STIM1: variants seen among roughly 807,000 people sequenced by gnomAD.
STIM1 encodes the protein stromal interaction molecule 1.
STIM1 carries 25 observed loss-of-function variants against 74.7 expected under a neutral mutation model. The ratio of observed to expected loss-of-function variants is 0.33; its 90% CI spans 0.24 to 0.47. STIM1 has a LOEUF of 0.47. Among genes scored for constraint, STIM1 ranks in the 20% least tolerant of loss-of-function variants. The pLI is 1.00. For synonymous variants in STIM1, 328 were observed against 348.8 expected (o/e 0.94, Z 0.66); for missense variants, 728 against 920.8 (o/e 0.79, Z 2.71).
chr11:4,006,844 A>G lies in STIM1; in HGVS notation c.271-17029A>G, dbSNP rs117797998. 4.6e-3 allele frequency among the ~76,000 whole-genome samples: 695 copies of G among 152,186 alleles called. 5 individuals are homozygous for G. Among genetic ancestry groups the G allele is most frequent in the Non-Finnish European group, 5.7e-3 (386 of 67,994 alleles). On this transcript the variant is annotated intron_variant, in intron 2 of 12. Coordinates refer to ENST00000526596, the MANE Select transcript of STIM1 (RefSeq NM_001382567.1). ...GGACAATTTGGTTTGGGAAATATGG[A>G]AGGTAAGTAGTAGGGAACAAGGTTG...
chr11:3,911,148 A>G (rs192940670), intron 1 of STIM1, among the ~76,000 whole-genome samples: 143 of 152,318 alleles, frequency 9.4e-4, no homozygotes, highest in South Asian at 2.1e-3. Context: ...AGCAGCAAGG[A>G]TGAGACTCCA....
chr11:3,913,551 T>G (rs1238251034), intron 1 of STIM1, among the ~76,000 whole-genome samples: 2 of 152,210 alleles, frequency 1.3e-5, no homozygotes, highest in Admixed American at 6.5e-5. Flanking sequence ...GGTTCCTGAC[T>G]GTTTCTTGCC....
intron 2 of STIM1, among the ~76,000 whole-genome samples, chr11:3,967,937 T>C (rs1012376607): frequency 1.3e-5 from 2 of 152,190 alleles, no homozygotes; most frequent in African/African-American, 4.8e-5. Flanking sequence ...TAACACTGAC[T>C]AAGCTGTGTT....
chr11:3,903,781 T>C (rs11030213), intron 1 of STIM1, among the ~76,000 whole-genome samples: 52,800 of 151,992 alleles, frequency 0.35, 9,389 homozygotes, highest in South Asian at 0.48. Context: ...GGCAAGTGGG[T>C]TGGGGTGCAG....
intron 2 of STIM1, chr11:3,973,487 C>T (rs563053787): frequency 4.3e-6 from 1 of 233,956 alleles, no homozygotes; most frequent in South Asian, 6.2e-5. Context: ...GCAGCTTGGA[C>T]CTCCGGGGCT....
chr11:4,001,162 G>T (rs1170250996), intron 2 of STIM1, among the ~76,000 whole-genome samples: 2 of 152,108 alleles, frequency 1.3e-5, no homozygotes, highest in Non-Finnish European at 2.9e-5. Context: ...AAAACACTCT[G>T]CAGGATATTA....
intron 1 of STIM1, among the ~76,000 whole-genome samples, chr11:3,877,321 C>A (rs1565098447): frequency 6.6e-6 from 1 of 152,016 alleles, no homozygotes; most frequent in South Asian, 2.1e-4. Flanking sequence ...ATTGGTATGC[C>A]TTGCTTCTCT....
intron 1 of STIM1, among the ~76,000 whole-genome samples, chr11:3,941,259 G>A (rs1292542155): frequency 1.3e-5 from 2 of 152,112 alleles, no homozygotes; most frequent in Admixed American, 1.3e-4. Flanking sequence ...TCTACAGTTC[G>A]AAGACTTCTG....
intron 5 of STIM1, among the ~76,000 whole-genome samples, chr11:4,060,075 C>A (rs2094320165): frequency 6.6e-6 from 1 of 152,134 alleles, no homozygotes. Context: ...TGGGTTTTCA[C>A]TGAAGCAGTA....
intron 1 of STIM1, among the ~76,000 whole-genome samples, chr11:3,906,449 G>A (rs897193307): frequency 6.6e-6 from 1 of 152,122 alleles, no homozygotes; most frequent in Admixed American, 6.6e-5. Context: ...AGTTTATTAT[G>A]GAGCTAGTTA....
At chr11:3,920,220 T>C (rs1424053744) in intron 1 of STIM1, among the ~76,000 whole-genome samples, 1 of 152,012 alleles carries the variant, frequency 6.6e-6, no homozygotes, top group Non-Finnish European at 1.5e-5. Context: ...CTCAGCCTCC[T>C]AAAGTGCTGT....
intron 1 of STIM1, among the ~76,000 whole-genome samples, chr11:3,865,280 A>G (rs2090810280): frequency 6.6e-6 from 1 of 152,192 alleles, no homozygotes; most frequent in Non-Finnish European, 1.5e-5. Context: ...AACTTACCCA[A>G]GGTTTTGGTA....
intron 2 of STIM1, among the ~76,000 whole-genome samples, chr11:3,982,844 G>A (rs780078781): frequency 2.0e-5 from 3 of 152,060 alleles, no homozygotes; most frequent in Admixed American, 2.0e-4. Context: ...GTCACCTTTC[G>A]CTTGCCTTTC....
chr11:3,897,662 C>T (rs1017516445), intron 1 of STIM1, among the ~76,000 whole-genome samples: 10 of 152,098 alleles, frequency 6.6e-5, no homozygotes, highest in East Asian at 1.9e-4. Context: ...TCCCTCCCCC[C>T]GCCACGCCCA....
At chr11:3,966,486 C>G (rs2093342075) in intron 1 of STIM1, among the ~76,000 whole-genome samples, 1 of 152,156 alleles carries the variant, frequency 6.6e-6, no homozygotes. Context: ...ACCACAGCCT[C>G]TTCACCCTGT....
At chr11:3,888,933 T>TA (rs1255908444) in intron 1 of STIM1, among the ~76,000 whole-genome samples, 1 of 151,914 alleles carries the variant, frequency 6.6e-6, no homozygotes, top group African/African-American at 2.4e-5. Context: ...TGCCAGGCTT[T>TA]ACTATGGGGG....
intron 2 of STIM1, among the ~76,000 whole-genome samples, chr11:3,989,926 C>A (rs868806514): frequency 1.7e-4 from 26 of 152,262 alleles, no homozygotes; most frequent in South Asian, 8.3e-4. Context: ...TGCAATTCAC[C>A]CATTTATATA....
intron 1 of STIM1, among the ~76,000 whole-genome samples, chr11:3,863,124 C>T (rs550997134): frequency 4.0e-5 from 6 of 151,580 alleles, no homozygotes; most frequent in African/African-American, 1.2e-4. Context: ...GAACTCCTGA[C>T]CTCAGATAAT....
intron 1 of STIM1, among the ~76,000 whole-genome samples, chr11:3,918,570 A>T (rs1215813469): frequency 6.6e-6 from 1 of 151,614 alleles, no homozygotes; most frequent in Admixed American, 6.6e-5. Flanking sequence ...AGAAAGAAAG[A>T]TACAACATAA....
Sources: gnomAD v4.1 joint callset for allele counts (sites outside exome capture counted in the v4.1 genomes callset) on GRCh38, gnomAD v4.1.1 for gene constraint, MANE v1.5 for transcripts, NCBI Gene and HGNC (gene_info 2026-07-23, HGNC 2026-07-21) for gene names.